Variants in ABHD3 observed in about 807,000 individuals in gnomAD.
ABHD3 encodes the protein phospholipase ABHD3.
A neutral mutation model predicts 48.8 loss-of-function variants in ABHD3; 46 were observed. The ratio of observed to expected loss-of-function variants is 0.94; its 90% CI spans 0.74 to 1.20. The LOEUF (loss-of-function observed/expected upper bound fraction) is 1.20. Among genes scored for constraint, ABHD3 ranks in the 50% most tolerant of loss-of-function variants. The pLI is 0.00. For missense variants in ABHD3, 490 were observed against 497.8 expected (o/e 0.98, Z 0.15); for synonymous variants, 192 against 183.7 (o/e 1.04, Z -0.36).
chr18:21,657,341 C>CTT (rs1162753284), intron 6 of ABHD3, among the ~76,000 whole-genome samples, 189 bp from the exon 7 acceptor site: 3 of 140,340 alleles, frequency 2.1e-5, no homozygotes, highest in Non-Finnish European at 1.6e-5. Context: ...TCTTCAAGTA[C>CTT]TTTTTTTTTT....
At chr18:21,702,109 T>C (rs958590084) in intron 3 of ABHD3, 1 of 483,218 alleles carries the variant, frequency 2.1e-6, no homozygotes, top group Non-Finnish European at 3.6e-6. Context: ...GAGTGTCTAC[T>C]ATGCTAAGTG....
intron 3 of ABHD3, among the ~76,000 whole-genome samples, chr18:21,695,264 A>C (rs976694960): frequency 5.3e-5 from 8 of 152,210 alleles, no homozygotes; most frequent in Admixed American, 5.2e-4. Flanking sequence ...TCTTGTCCTC[A>C]AGTGATCCGC....
chr18:21,657,053 A>C (rs527464163), intron 7 of ABHD3, 27 bp from the exon 8 acceptor site: 1 of 1,613,998 alleles, frequency 6.2e-7, no homozygotes, highest in East Asian at 2.2e-5. Flanking sequence ...AATTATATCT[A>C]GTCTTGCCCA....
chr18:21,651,512 C>T lies in ABHD3; in HGVS notation c.*79G>A. The stretch of plus-strand genomic sequence containing the variant: ...TCTGCTGGCTTATTTGCTTTATATA[C>T]AACAGTTAAAATTTGTGCACTAAGC... On this transcript the variant is annotated 3_prime_UTR_variant, in exon 9 of 9. Transcript: ENST00000289119. The T allele has an allele frequency of 6.4e-7, 1 of 1,551,822 alleles. No homozygotes were observed. Among genetic ancestry groups the T allele is most frequent in the Non-Finnish European group, 8.8e-7 (1 of 1,134,774 alleles).
intron 4 of ABHD3, among the ~76,000 whole-genome samples, chr18:21,672,457 A>G (rs892219167): frequency 6.6e-6 from 1 of 152,246 alleles, no homozygotes; most frequent in African/African-American, 2.4e-5. Context: ...TACGTTTCAT[A>G]TTAACTGTAA....
At chr18:21,699,784 G>T (rs1174484512) in intron 3 of ABHD3, among the ~76,000 whole-genome samples, 3 of 151,108 alleles carry the variant, frequency 2.0e-5, no homozygotes, top group Non-Finnish European at 4.4e-5. Context: ...GGGTTTAAGC[G>T]ATTCTCCCTC....
intron 3 of ABHD3, among the ~76,000 whole-genome samples, chr18:21,700,851 G>GAAAAA (rs1568166438): frequency 9.5e-6 from 1 of 105,534 alleles, no homozygotes; most frequent in African/African-American, 4.1e-5. Context: ...AAAAAAAAAT[G>GAAAAA]GAACCAGGCT....
At chr18:21,683,784 A>T in intron 4 of ABHD3, 136 bp downstream of exon 4, 1 of 834,490 alleles carries the variant, frequency 1.2e-6, no homozygotes, top group Non-Finnish European at 1.7e-6. Context: ...TTTTTTCCAT[A>T]TCTGTATTTT....
intron 3 of ABHD3, among the ~76,000 whole-genome samples, chr18:21,696,946 C>G (rs972334998): frequency 2.6e-5 from 4 of 152,144 alleles, no homozygotes; most frequent in Non-Finnish European, 5.9e-5. Flanking sequence ...AAGAATTTAT[C>G]TGGCTTAGCA....
intron 4 of ABHD3, among the ~76,000 whole-genome samples, chr18:21,670,832 T>C (rs2076087488): frequency 1.3e-5 from 2 of 152,116 alleles, no homozygotes; most frequent in African/African-American, 2.4e-5. Flanking sequence ...CTGAACAACA[T>C]GGTGAAACCC....
chr18:21,675,460 G>A (rs1293051688), intron 4 of ABHD3, among the ~76,000 whole-genome samples: 2 of 151,698 alleles, frequency 1.3e-5, no homozygotes, highest in Non-Finnish European at 2.9e-5. Context: ...GTAGAGACAG[G>A]GTTTCACTGT....
intron 4 of ABHD3, among the ~76,000 whole-genome samples, chr18:21,672,304 G>A (rs1458964599): frequency 6.6e-6 from 1 of 152,144 alleles, no homozygotes; most frequent in Non-Finnish European, 1.5e-5. Context: ...CTCTGCAGTG[G>A]AAGCCATAAC....
chr18:21,699,115 C>T (rs114175157), intron 3 of ABHD3, among the ~76,000 whole-genome samples: 2,794 of 151,640 alleles, frequency 0.018, 87 homozygotes, highest in African/African-American at 0.063. Flanking sequence ...GGTTTCACCA[C>T]GTTGACCAGG....
chr18:21,659,136 G>A, intron 6 of ABHD3, 34 bp downstream of exon 6: 1 of 1,600,358 alleles, frequency 6.2e-7, no homozygotes, highest in South Asian at 1.1e-5. Flanking sequence ...ACCGGGCCCG[G>A]CCCTGGAGAC....
chr18:21,670,813 G>C (rs1407498272), intron 4 of ABHD3, among the ~76,000 whole-genome samples: 1 of 152,106 alleles, frequency 6.6e-6, no homozygotes, highest in African/African-American at 2.4e-5. Flanking sequence ...TCAGGAGTTC[G>C]AGACCAGTCT....
chr18:21,694,943 T>A (rs1303663031), intron 3 of ABHD3, among the ~76,000 whole-genome samples: 1 of 152,194 alleles, frequency 6.6e-6, no homozygotes, highest in Non-Finnish European at 1.5e-5. Context: ...CACGAGCTGC[T>A]AGTCATCTCC....
chr18:21,664,179 G>C lies in ABHD3; in HGVS notation c.607C>G (p.His203Asp). The change falls in exon 5 of 9, where the codon CAC becomes GAC. Residue 203 changes from histidine (H) to aspartate (D), a missense_variant. Coordinates refer to ENST00000289119, the MANE Select transcript of ABHD3 (RefSeq NM_138340.5). ...GAAGGGTACAGGCTGTGTACATGGT[G>C]AATAACTGTCTCCAAGTCTTCAGTG... is the stretch of plus-strand genomic sequence containing the variant. ...ANTEDLETVI[H>D]HVHSLYPSAP... 6.2e-7 allele frequency: 1 copy of C among 1,614,102 alleles called. No individual in the cohort carries two copies. Among genetic ancestry groups the C allele is most frequent in the Non-Finnish European group, 8.5e-7 (1 of 1,180,018 alleles).
In ABHD3 at chr18:21,679,873, CA is replaced by C. The variant is rs377440203; in HGVS notation, c.555+4046del. Among the ~76,000 whole-genome samples the C allele has an allele frequency of 9.9e-5, 15 of 151,894 alleles. 1 individual carries two copies. The East Asian group carries it at 2.3e-3, about 24-fold the overall frequency. ...TAATTTAATAGAGATGGGGTTTCGC[CA>C]TGTTGGCCAGGCTGGTCTTGAACTC... On this transcript the variant is annotated intron_variant, in intron 4 of 8. Transcript: ENST00000289119.
intron 4 of ABHD3, among the ~76,000 whole-genome samples, chr18:21,675,614 AAGTAGAGCCATTCAAAATGCC>A (rs2039866520): frequency 6.6e-6 from 1 of 151,984 alleles, no homozygotes; most frequent in African/African-American, 2.4e-5. Context: ...TGGACCTCTG[AAGTAGAGCCATTCAAAATGCC>A]AGTTCAGGAT....
Sources: gnomAD v4.1 joint callset for allele counts (sites outside exome capture counted in the v4.1 genomes callset) on GRCh38, gnomAD v4.1.1 for gene constraint, MANE v1.5 for transcripts, NCBI Gene and HGNC (gene_info 2026-07-23, HGNC 2026-07-21) for gene names.